TBCEL: variants seen among roughly 807,000 people sequenced by gnomAD.
The protein encoded by TBCEL is tubulin-specific chaperone cofactor E-like protein.
Under a neutral mutation model 44.2 loss-of-function variants are expected in TBCEL, and 15 were observed. The observed-to-expected ratio is 0.34, with a 90% CI of 0.23 to 0.52. TBCEL has a LOEUF of 0.52. TBCEL is among the 20% of genes least tolerant of loss of function. TBCEL has a pLI of 0.95. For synonymous variants in TBCEL, 171 were observed against 185.4 expected, an observed-to-expected ratio of 0.92 and a Z score of 0.63; for missense variants, 319 against 506.3, an observed-to-expected ratio of 0.63 and a Z score of 3.55.
At chr11:121,079,846 A>G (rs1349373783) in intron 8 of TBCEL, among the ~76,000 whole-genome samples, 4 of 152,004 alleles carry the variant, frequency 2.6e-5, no homozygotes, top group African/African-American at 9.7e-5. Context: ...ACGGAGTCTC[A>G]CTCTGTCACC....
Position 121,055,131 on chromosome 11 carries a change from C to G in TBCEL, c.535C>G (p.Leu179Val). 1 of 1,608,806 alleles carries G rather than the reference C, an allele frequency of 6.2e-7. No individual in the cohort carries two copies. The highest frequency in any genetic ancestry group is 8.5e-7 in the Non-Finnish European group (1 of 1,177,238). Residue 179 changes from leucine (L) to valine (V), a missense_variant, in exon 6 of 9, where the codon CTA (leucine) becomes GTA (valine). Physicochemically the swap from Leu to Val is conservative, Grantham distance 32 (BLOSUM62 1). Transcript: ENST00000683345. ...TATTTGCTGTCATTCTCTTAAGCTA[C>G]TACATATAACAGACAATAACCTCCA... ...PSICCHSLKL[L>V]HITDNNLQDW...
intron 2 of TBCEL, 64 bp from the exon 3 acceptor site, chr11:121,045,610 T>C: frequency 7.2e-7 from 1 of 1,382,128 alleles, no homozygotes; most frequent in South Asian, 1.5e-5. Context: ...GGGTTTTCAA[T>C]AAATACTTCT....
chr11:121,052,751 TTGTAAC>T (rs1945551482), intron 4 of TBCEL, among the ~76,000 whole-genome samples: 1 of 151,906 alleles, frequency 6.6e-6, no homozygotes. Context: ...GACGTGACCT[TTGTAAC>T]TGTAAGGCCT....
chr11:121,041,287 A>G (rs1197889481), intron 2 of TBCEL, among the ~76,000 whole-genome samples: 3 of 152,204 alleles, frequency 2.0e-5, no homozygotes, highest in African/African-American at 7.2e-5. Context: ...GGTTAAGGGT[A>G]CTAAGGTGAC....
intron 8 of TBCEL, among the ~76,000 whole-genome samples, chr11:121,066,664 C>T (rs189529084): frequency 5.3e-4 from 81 of 152,206 alleles, no homozygotes; most frequent in African/African-American, 1.9e-3. Context: ...GAGTGAGTGG[C>T]GAATAACAAC....
At chr11:121,049,397 T>C (rs1945489371) in intron 4 of TBCEL, among the ~76,000 whole-genome samples, 1 of 151,834 alleles carries the variant, frequency 6.6e-6, no homozygotes, top group Non-Finnish European at 1.5e-5. Flanking sequence ...ATTTCTCTAT[T>C]TTATGCCCTT....
chr11:121,070,032 A>C (rs963508619), intron 8 of TBCEL, among the ~76,000 whole-genome samples: 2 of 152,334 alleles, frequency 1.3e-5, no homozygotes, highest in African/African-American at 4.8e-5. Flanking sequence ...CCCATCAAAA[A>C]GTGGGCAAAA....
Position 121,088,383 on chromosome 11 carries a change from T to C in TBCEL, c.*1287T>C, listed in dbSNP as rs1487048393. On this transcript the variant is annotated 3_prime_UTR_variant, in exon 9 of 9. Transcript: ENST00000683345. ...AAGTCATATTTTTTGCAGAAGCACATTTAAAGCACTTTTCTGTAAAAGCTA... is the reference window on the plus strand; with the variant it reads ...AAGTCATATTTTTTGCAGAAGCACACTTAAAGCACTTTTCTGTAAAAGCTA... The C allele has an allele frequency of 6.6e-6, 1 of 152,336 alleles. No homozygotes were observed. The highest frequency in any genetic ancestry group is 1.5e-5 in the Non-Finnish European group (1 of 68,026). 9.4% of individuals were successfully genotyped at this position (152,336 alleles called of 1,614,324 possible).
intron 8 of TBCEL, among the ~76,000 whole-genome samples, chr11:121,082,518 C>T (rs1267386875): frequency 1.3e-5 from 2 of 152,174 alleles, no homozygotes; most frequent in African/African-American, 2.4e-5. Context: ...TTACCACAAT[C>T]ATGTTGAAGA....
At chr11:121,059,654 C>A (rs765739477) in intron 7 of TBCEL, among the ~76,000 whole-genome samples, 3 of 151,676 alleles carry the variant, frequency 2.0e-5, no homozygotes, top group Non-Finnish European at 4.4e-5. Flanking sequence ...TTTAAAAATG[C>A]GGCCATTAAA....
At chr11:121,067,840 T>G (rs1376750689) in intron 8 of TBCEL, among the ~76,000 whole-genome samples, 1 of 152,172 alleles carries the variant, frequency 6.6e-6, no homozygotes, top group African/African-American at 2.4e-5. Flanking sequence ...CAAAGGACAG[T>G]TTAATTTATT....
intron 4 of TBCEL, chr11:121,047,969 GACTC>G (rs1410519980): frequency 5.2e-6 from 1 of 190,886 alleles, no homozygotes; most frequent in Non-Finnish European, 1.0e-5. Flanking sequence ...GCAAATAACT[GACTC>G]TATCTATGGT....
intron 4 of TBCEL, among the ~76,000 whole-genome samples, chr11:121,051,611 A>G (rs1179468129): frequency 1.3e-5 from 2 of 151,806 alleles, no homozygotes; most frequent in East Asian, 3.9e-4. Flanking sequence ...TACTAGCCAT[A>G]TATTGCACAA....
intron 8 of TBCEL, among the ~76,000 whole-genome samples, chr11:121,070,032 A>T (rs963508619): frequency 6.6e-6 from 1 of 152,214 alleles, no homozygotes; most frequent in East Asian, 1.9e-4. Context: ...CCCATCAAAA[A>T]GTGGGCAAAA....
intron 8 of TBCEL, among the ~76,000 whole-genome samples, chr11:121,075,088 T>C (rs1273512157): frequency 6.6e-6 from 1 of 151,888 alleles, no homozygotes; most frequent in East Asian, 1.9e-4. Flanking sequence ...CGTGTGTATG[T>C]TTTAAGTTCT....
intron 7 of TBCEL, 112 bp downstream of exon 7, chr11:121,058,583 G>C (rs1422508989): frequency 1.4e-6 from 2 of 1,397,934 alleles, no homozygotes; most frequent in African/African-American, 2.9e-5. Flanking sequence ...CCTTTGAGCA[G>C]ACTGTGCTTG....
At chr11:121,052,256 C>T (rs575197030) in intron 4 of TBCEL, among the ~76,000 whole-genome samples, 2 of 151,952 alleles carry the variant, frequency 1.3e-5, no homozygotes, top group East Asian at 3.9e-4. Flanking sequence ...AGTACTATAT[C>T]TGCTTTTATA....
intron 4 of TBCEL, 110 bp from the exon 5 acceptor site, chr11:121,053,441 T>A: frequency 6.6e-6 from 6 of 914,180 alleles, no homozygotes; most frequent in Non-Finnish European, 1.0e-5. Context: ...GACTCCTTGA[T>A]GTAAATGGCC....
chr11:121,067,943 T>C (rs1371636056), intron 8 of TBCEL, among the ~76,000 whole-genome samples: 1 of 152,238 alleles, frequency 6.6e-6, no homozygotes, highest in Non-Finnish European at 1.5e-5. Flanking sequence ...GAAGCTAAGC[T>C]AGAGATATAT....
Sources: gnomAD v4.1 joint callset for allele counts (sites outside exome capture counted in the v4.1 genomes callset) on GRCh38, gnomAD v4.1.1 for gene constraint, MANE v1.5 for transcripts, NCBI Gene and HGNC (gene_info 2026-07-23, HGNC 2026-07-21) for gene names.